Variants in HTR4 observed in about 807,000 individuals in gnomAD.
HTR4 encodes the protein 5-hydroxytryptamine receptor 4, also known as 5-hydroxytryptamine (serotonin) receptor 4, G protein-coupled.
A neutral mutation model predicts 36.8 loss-of-function variants in HTR4; 16 were observed. That is an observed-to-expected ratio of 0.43 (90% CI 0.29 to 0.66). The LOEUF (loss-of-function observed/expected upper bound fraction) is 0.66, where lower values mean the gene tolerates loss of function less well. Among genes scored for constraint, HTR4 ranks in the 30% least tolerant of loss-of-function variants. The pLI is 0.13. For synonymous variants in HTR4, 189 were observed against 185.1 expected (o/e 1.02, Z -0.17); for missense variants, 438 against 490.9 (o/e 0.89, Z 1.02).
intron 6 of HTR4, chr5:148,490,485 G>T: frequency 1.4e-6 from 1 of 715,792 alleles, no homozygotes; most frequent in South Asian, 5.7e-5. Flanking sequence ...TACACTGGCT[G>T]AAATAGAGTT....
intron 2 of HTR4, among the ~76,000 whole-genome samples, chr5:148,591,330 T>C (rs1031888409): frequency 3.3e-5 from 5 of 152,214 alleles, no homozygotes; most frequent in Admixed American, 6.5e-5. Flanking sequence ...TGGTTCCATA[T>C]GAATTTTAAA....
intron 2 of HTR4, among the ~76,000 whole-genome samples, chr5:148,570,715 G>A (rs1043422823): frequency 1.3e-5 from 2 of 152,028 alleles, no homozygotes; most frequent in Non-Finnish European, 2.9e-5. Context: ...TCATTAATTC[G>A]GTGATTGTTT....
chr5:148,635,005 C>A (rs1182882599), intron 2 of HTR4, among the ~76,000 whole-genome samples: 1 of 151,632 alleles, frequency 6.6e-6, no homozygotes, highest in Non-Finnish European at 1.5e-5. Context: ...TGCATAATAC[C>A]CTTGTGATTT....
chr5:148,460,866 A>G (rs1297296291), intron 5 of HTR4, among the ~76,000 whole-genome samples: 1 of 152,158 alleles, frequency 6.6e-6, no homozygotes, highest in Non-Finnish European at 1.5e-5. Flanking sequence ...ATCCTGATAA[A>G]TCCATCATAA....
At chr5:148,522,910 C>T (rs1266261686) in intron 5 of HTR4, among the ~76,000 whole-genome samples, 1 of 152,094 alleles carries the variant, frequency 6.6e-6, no homozygotes, top group Non-Finnish European at 1.5e-5. Context: ...GCTATACCAA[C>T]TTAGCAAGAT....
At chr5:148,457,601 C>G (rs945484883) in intron 5 of HTR4, among the ~76,000 whole-genome samples, 8 of 148,948 alleles carry the variant, frequency 5.4e-5, no homozygotes, top group African/African-American at 1.7e-4. Flanking sequence ...GGGAGGTTTG[C>G]TAGATGTTTT....
intron 4 of HTR4, among the ~76,000 whole-genome samples, chr5:148,538,048 C>T (rs980708951): frequency 1.3e-5 from 2 of 152,156 alleles, no homozygotes; most frequent in Non-Finnish European, 2.9e-5. Context: ...AAGTAAGCTT[C>T]AGCCTCAGGA....
At chr5:148,628,598 A>G (rs1753208376) in intron 2 of HTR4, 1 of 152,194 alleles carries the variant, frequency 6.6e-6, no homozygotes, top group Non-Finnish European at 1.5e-5. Flanking sequence ...GTGATTCCGG[A>G]AGCAAAGACT....
intron 2 of HTR4, among the ~76,000 whole-genome samples, chr5:148,617,765 C>T (rs1031776275): frequency 6.6e-6 from 1 of 152,062 alleles, no homozygotes; most frequent in Admixed American, 6.6e-5. Flanking sequence ...CGGCGCCCAG[C>T]CTAACCTAGT....
intron 1 of HTR4, among the ~76,000 whole-genome samples, chr5:148,639,237 G>A (rs1426187676): frequency 6.6e-6 from 1 of 151,928 alleles, no homozygotes; most frequent in Non-Finnish European, 1.5e-5. Flanking sequence ...GTCATTTCTT[G>A]CTTGCATAAA....
chr5:148,470,044 A>ATAATGG (rs1402436887), intron 5 of HTR4, among the ~76,000 whole-genome samples: 1 of 152,202 alleles, frequency 6.6e-6, no homozygotes, highest in Admixed American at 6.5e-5. Flanking sequence ...TATAATGATG[A>ATAATGG]TAATGGTGAT....
At chr5:148,567,617 A>T (rs1760499257) in intron 2 of HTR4, among the ~76,000 whole-genome samples, 1 of 151,220 alleles carries the variant, frequency 6.6e-6, no homozygotes. Context: ...AGGCACAAAC[A>T]CCTCCTCTGT....
rs1338727099 is a variant in HTR4 at position 148,548,728 on chromosome 5, G to C, written c.293C>G (p.Ser98Cys). 1 of 1,612,852 alleles carries C rather than the reference G, an allele frequency of 6.2e-7. No individual in the cohort carries two copies. The highest frequency in any genetic ancestry group is 8.5e-7 in the Non-Finnish European group (1 of 1,179,368). The change falls in exon 4 of 7, where the codon TCT becomes TGT. Residue 98 changes from serine to cysteine, a missense_variant. Coordinates refer to ENST00000377888, the MANE Select transcript of HTR4 (RefSeq NM_000870.7). ...TGCCGTTGTGAGCAGGACGTCCAGA[G>C]ATGTCCGAACAAGACAAAACACCTC... The part of the protein sequence containing the change: ...YGEVFCLVRT[S>C]LDVLLTTASI...
chr5:148,492,702 A>G (rs904235568), intron 6 of HTR4, among the ~76,000 whole-genome samples: 1 of 152,252 alleles, frequency 6.6e-6, no homozygotes, highest in African/African-American at 2.4e-5. Flanking sequence ...AACCTTAACA[A>G]AAGCCCCATG....
At chr5:148,527,886 T>G (rs1758360355) in intron 4 of HTR4, among the ~76,000 whole-genome samples, 1 of 152,140 alleles carries the variant, frequency 6.6e-6, no homozygotes, top group African/African-American at 2.4e-5. Flanking sequence ...AGTGCTGTCA[T>G]TACAAACATG....
chr5:148,610,620 C>T (rs1752384098), intron 2 of HTR4, among the ~76,000 whole-genome samples: 1 of 152,120 alleles, frequency 6.6e-6, no homozygotes, highest in South Asian at 2.1e-4. Context: ...ATCAGAGTGC[C>T]TCTCCTCCTC....
intron 6 of HTR4, among the ~76,000 whole-genome samples, chr5:148,485,523 C>T (rs1049489595): frequency 2.6e-5 from 4 of 152,114 alleles, no homozygotes; most frequent in African/African-American, 9.7e-5. Context: ...AATGTTCCAC[C>T]TGTGAGAAAC....
chr5:148,521,273 A>G (rs1758001090), intron 5 of HTR4, among the ~76,000 whole-genome samples: 1 of 152,208 alleles, frequency 6.6e-6, no homozygotes, highest in African/African-American at 2.4e-5. Context: ...TAACTTGACC[A>G]GGCATGGGGT....
At chr5:148,580,751 T>C (rs937583803) in intron 2 of HTR4, among the ~76,000 whole-genome samples, 25 of 152,112 alleles carry the variant, frequency 1.6e-4, no homozygotes, top group African/African-American at 5.8e-4. Flanking sequence ...GTTTAACACA[T>C]TTTCTTTGCC....
Sources: gnomAD v4.1 joint callset for allele counts (sites outside exome capture counted in the v4.1 genomes callset) on GRCh38, gnomAD v4.1.1 for gene constraint, MANE v1.5 for transcripts, NCBI Gene and HGNC (gene_info 2026-07-23, HGNC 2026-07-21) for gene names.